BICRAL: variants seen among roughly 807,000 people sequenced by gnomAD.
BICRAL encodes the protein BICRA like chromatin remodeling complex associated protein, also known as BRD4-interacting chromatin-remodeling complex-associated protein-like.
A neutral mutation model predicts 91.8 loss-of-function variants in BICRAL; 8 were observed. The observed-to-expected ratio is 0.09, with a 90% CI of 0.05 to 0.16. BICRAL has a LOEUF of 0.16. Ranked by LOEUF, BICRAL falls within the 10% of genes least tolerant of loss-of-function variation. The pLI is 1.00. For synonymous variants in BICRAL, 445 were observed against 491.1 expected (o/e 0.91, Z 1.24); for missense variants, 1,038 against 1,310.9 (o/e 0.79, Z 3.21).
At chr6:42,757,408 C>T (rs770007667) in intron 1 of BICRAL, among the ~76,000 whole-genome samples, 16 of 152,210 alleles carry the variant, frequency 1.1e-4, no homozygotes, top group African/African-American at 3.1e-4. Flanking sequence ...CCTGCCACAA[C>T]GCCCCAGCTA....
intron 1 of BICRAL, among the ~76,000 whole-genome samples, chr6:42,753,941 G>A (rs1762420121): frequency 6.7e-6 from 1 of 149,266 alleles, no homozygotes; most frequent in South Asian, 2.1e-4. Context: ...CAAAGTGCTG[G>A]GATTACAGGC....
intron 6 of BICRAL, among the ~76,000 whole-genome samples, chr6:42,839,905 C>T (rs1764736264): frequency 1.3e-5 from 2 of 152,176 alleles, no homozygotes; most frequent in South Asian, 4.1e-4. Flanking sequence ...AACCTGGAAT[C>T]AGCCATTCCC....
chr6:42,754,655 G>T (rs982581933), intron 1 of BICRAL, among the ~76,000 whole-genome samples: 6 of 152,228 alleles, frequency 3.9e-5, no homozygotes, highest in South Asian at 2.1e-4. Flanking sequence ...ACTTTGGAAG[G>T]CTGGGGCAAA....
chr6:42,782,331 T>G (rs916687331), intron 1 of BICRAL, among the ~76,000 whole-genome samples: 8 of 139,146 alleles, frequency 5.7e-5, no homozygotes, highest in Non-Finnish European at 1.3e-4. Flanking sequence ...GGCTGTGTTT[T>G]TTTTTTTTTT....
chr6:42,762,418 G>T (rs1209519081), intron 1 of BICRAL, among the ~76,000 whole-genome samples: 1 of 151,968 alleles, frequency 6.6e-6, no homozygotes, highest in Non-Finnish European at 1.5e-5. Context: ...TTTTTTTTAT[G>T]AAAGCTTCGC....
chr6:42,846,554 G>C (rs1030443928), intron 6 of BICRAL, among the ~76,000 whole-genome samples: 20 of 152,070 alleles, frequency 1.3e-4, no homozygotes, highest in Non-Finnish European at 2.9e-5. Flanking sequence ...CCTTACCCCA[G>C]CTTCAAATTC....
At chr6:42,814,408 C>T (rs1205083828) in intron 2 of BICRAL, among the ~76,000 whole-genome samples, 11 of 139,734 alleles carry the variant, frequency 7.9e-5, no homozygotes, top group African/African-American at 2.9e-4. Context: ...ACACAACACA[C>T]ATGTATACAT....
intron 6 of BICRAL, among the ~76,000 whole-genome samples, chr6:42,842,049 A>G (rs1468488589): frequency 2.0e-5 from 3 of 152,180 alleles, no homozygotes; most frequent in Non-Finnish European, 4.4e-5. Context: ...CTAAGCTTGT[A>G]TCTTAAACTC....
At chr6:42,847,289 TTAAAA>T (rs1385663662) in intron 6 of BICRAL, among the ~76,000 whole-genome samples, 1 of 152,188 alleles carries the variant, frequency 6.6e-6, no homozygotes, top group Non-Finnish European at 1.5e-5. Context: ...CAAAACCTTT[TTAAAA>T]AGCATAAATT....
chr6:42,850,698 A>G (rs1765151729), intron 6 of BICRAL, among the ~76,000 whole-genome samples: 1 of 151,948 alleles, frequency 6.6e-6, no homozygotes, highest in South Asian at 2.1e-4. Context: ...ATCCTGACCA[A>G]CATGGTGAAA....
At chr6:42,799,945 A>G (rs938696813) in intron 1 of BICRAL, among the ~76,000 whole-genome samples, 3 of 151,986 alleles carry the variant, frequency 2.0e-5, no homozygotes, top group Admixed American at 6.6e-5. Flanking sequence ...CAGTGGCCCA[A>G]TCTTGGCCGA....
chr6:42,750,137 A>G (rs1762352792), intron 1 of BICRAL, among the ~76,000 whole-genome samples: 1 of 151,826 alleles, frequency 6.6e-6, no homozygotes, highest in Non-Finnish European at 1.5e-5. Context: ...TTCTGGGATT[A>G]CAGGTGTGAG....
chr6:42,747,227 C>A (rs1468138146), intron 1 of BICRAL, among the ~76,000 whole-genome samples: 1 of 152,238 alleles, frequency 6.6e-6, no homozygotes, highest in Non-Finnish European at 1.5e-5. Context: ...AGGCAGCGGG[C>A]AGGGCGAGAA....
In BICRAL at chr6:42,833,142, G is replaced by A. The variant is rs556352576; in HGVS notation, c.1839+2970G>A. The stretch of plus-strand genomic sequence containing the variant: ...CCGATCTCAGCTCACTGCAAGCTCC[G>A]CCTCCCGGGTTCACGCCATTCTCCT... On this transcript the variant is annotated intron_variant, in intron 6 of 12. Coordinates refer to ENST00000314073, the MANE Select transcript of BICRAL (RefSeq NM_001393499.1). Among the ~76,000 whole-genome samples the A allele has an allele frequency of 9.4e-5, 14 of 148,966 alleles. No homozygotes were observed. The East Asian group carries it at 2.5e-3, about 26-fold the overall frequency.
At position 42,857,012 on chromosome 6, in the gene BICRAL, A is replaced by G. The variant is rs552975618; in HGVS notation, c.2109-79A>G. 22 of 1,207,156 alleles carry G rather than the reference A, an allele frequency of 1.8e-5. No individual in the cohort carries two copies. The East Asian group carries it at 4.0e-4, about 22-fold the overall frequency. 74.8% of individuals were successfully genotyped at this position (1,207,156 alleles called of 1,614,324 possible). A position where few individuals can be genotyped will look rare whatever the true frequency, so the allele number is the denominator to read the frequency against. On this transcript the variant is annotated intron_variant, in intron 9 of 12. Transcript: ENST00000314073. The stretch of plus-strand genomic sequence containing the variant: ...GTATTATTCCTATATATCTTATTTT[A>G]TTTGCATGCAAATAAATATGACTAG...
chr6:42,818,642 C>T (rs1035556401), intron 2 of BICRAL, among the ~76,000 whole-genome samples: 3 of 151,664 alleles, frequency 2.0e-5, no homozygotes, highest in Non-Finnish European at 4.4e-5. Context: ...TTTCCTCACT[C>T]CAAGATTGTT....
chr6:42,780,839 C>G (rs928897523), upstream of BICRAL, among the ~76,000 whole-genome samples: 3 of 152,000 alleles, frequency 2.0e-5, no homozygotes, highest in Admixed American at 6.6e-5. Context: ...CGGGTTCAAG[C>G]GATTCTCCTG....
At chr6:42,816,607 T>G (rs755385166) in intron 2 of BICRAL, among the ~76,000 whole-genome samples, 2 of 152,124 alleles carry the variant, frequency 1.3e-5, no homozygotes, top group Non-Finnish European at 2.9e-5. Flanking sequence ...GACTTGAGGT[T>G]CTTGTACTTC....
chr6:42,802,123 A>T (rs1372156692), intron 1 of BICRAL, among the ~76,000 whole-genome samples: 1 of 152,032 alleles, frequency 6.6e-6, no homozygotes, highest in African/African-American at 2.4e-5. Context: ...TGAATTTTTT[A>T]AAAATTAGTA....
Sources: gnomAD v4.1 joint callset for allele counts (sites outside exome capture counted in the v4.1 genomes callset) on GRCh38, gnomAD v4.1.1 for gene constraint, MANE v1.5 for transcripts, NCBI Gene and HGNC (gene_info 2026-07-23, HGNC 2026-07-21) for gene names.